CAST: variants seen among roughly 807,000 people sequenced by gnomAD.
The protein encoded by CAST is MIR583 host.
A neutral mutation model predicts 119.6 loss-of-function variants in CAST; 76 were observed. The ratio of observed to expected loss-of-function variants is 0.64; its 90% confidence interval spans 0.53 to 0.77. CAST has a LOEUF of 0.77. CAST is among the 30% of genes least tolerant of loss of function. CAST has a pLI of 0.00. For missense variants in CAST, 953 were observed against 946.5 expected (o/e 1.01, Z -0.09); for synonymous variants, 319 against 331.6 (o/e 0.96, Z 0.41).
At chr5:96,078,232 T>C in the CAST span, among the ~76,000 whole-genome samples, 265 of 152,156 alleles carry the variant, frequency 1.7e-3, no homozygotes, top group African/African-American at 6.0e-3. Context: ...CACCATGACA[T>C]TGGGGTTTCA....
the CAST span, among the ~76,000 whole-genome samples, chr5:96,354,182 A>G: frequency 6.6e-6 from 1 of 152,210 alleles, no homozygotes; most frequent in Non-Finnish European, 1.5e-5. Flanking sequence ...ACCAAGTGAG[A>G]GCCCCTGCTC....
At chr5:96,202,542 T>G in the CAST span, among the ~76,000 whole-genome samples, 1 of 152,078 alleles carries the variant, frequency 6.6e-6, no homozygotes, top group Non-Finnish European at 1.5e-5. Context: ...TGCTTTGTTA[T>G]AAGACAAAAA....
At chr5:96,416,091 G>T in the CAST span, 1 of 1,612,696 alleles carries the variant, frequency 6.2e-7, no homozygotes, top group Non-Finnish European at 8.5e-7. Flanking sequence ...TTGCTTGCAT[G>T]GCAATTTCTC....
At chr5:96,328,382 C>CCTCTCTCTCTCT in the CAST span, among the ~76,000 whole-genome samples, 2 of 18,898 alleles carry the variant, frequency 1.1e-4, no homozygotes, top group Non-Finnish European at 2.2e-4. Flanking sequence ...CTTCTCTCTC[C>CCTCTCTCTCTCT]CTCTCTCTCT....
At chr5:96,360,232 C>T in the CAST span, among the ~76,000 whole-genome samples, 1 of 151,894 alleles carries the variant, frequency 6.6e-6, no homozygotes, top group Non-Finnish European at 1.5e-5. Context: ...TTAGAAATTC[C>T]TCTAACATTT....
the CAST span, among the ~76,000 whole-genome samples, chr5:96,462,699 G>C: frequency 6.6e-6 from 1 of 152,048 alleles, no homozygotes; most frequent in African/African-American, 2.4e-5. Context: ...ATATGGTTTG[G>C]CTCTGTGTCC....
chr5:96,029,070 A>G, the CAST span, among the ~76,000 whole-genome samples: 7 of 152,296 alleles, frequency 4.6e-5, no homozygotes, highest in Non-Finnish European at 7.4e-5. Context: ...CATTACCTAC[A>G]ATATCTTCAG....
intron 1 of CAST, among the ~76,000 whole-genome samples, chr5:96,673,900 C>G (rs1243150802): frequency 6.6e-6 from 1 of 152,152 alleles, no homozygotes; most frequent in Non-Finnish European, 1.5e-5. Flanking sequence ...GAGGGTTTCA[C>G]CAAGCTATTG....
At chr5:96,207,969 T>G in the CAST span, among the ~76,000 whole-genome samples, 1 of 152,002 alleles carries the variant, frequency 6.6e-6, no homozygotes, top group South Asian at 2.1e-4. Flanking sequence ...GATTCAATTT[T>G]GGAACTCATT....
the CAST span, among the ~76,000 whole-genome samples, chr5:96,474,310 A>G: frequency 6.6e-6 from 1 of 151,856 alleles, no homozygotes; most frequent in Non-Finnish European, 1.5e-5. Context: ...ACAGAACACC[A>G]CTGCTACCAA....
chr5:96,365,396 G>A, the CAST span, among the ~76,000 whole-genome samples: 3 of 152,136 alleles, frequency 2.0e-5, no homozygotes, highest in Non-Finnish European at 2.9e-5. Context: ...TTTCTGTCTC[G>A]TTGATCTGTC....
intron 1 of CAST, among the ~76,000 whole-genome samples, chr5:96,647,618 G>A (rs955233176): frequency 1.3e-4 from 19 of 151,944 alleles, no homozygotes; most frequent in African/African-American, 4.6e-4. Context: ...CATTAAGGTG[G>A]GACGTAATCC....
chr5:96,431,559 C>A, the CAST span, among the ~76,000 whole-genome samples: 1 of 152,204 alleles, frequency 6.6e-6, no homozygotes, highest in Non-Finnish European at 1.5e-5. Context: ...CAGCCCCTAA[C>A]ACGGAGCCTG....
At chr5:96,618,116 A>C (rs1747506152) in intron 1 of CAST, among the ~76,000 whole-genome samples, 1 of 152,204 alleles carries the variant, frequency 6.6e-6, no homozygotes, top group Non-Finnish European at 1.5e-5. Context: ...CCATCCACGC[A>C]GTCCTACAGG....
chr5:96,167,923 T>C, the CAST span, among the ~76,000 whole-genome samples: 18 of 151,970 alleles, frequency 1.2e-4, no homozygotes, highest in African/African-American at 2.9e-4. Context: ...TGAGGAGTAG[T>C]AGAATAGCAG....
chr5:96,394,187 A>C, the CAST span, among the ~76,000 whole-genome samples: 2 of 152,178 alleles, frequency 1.3e-5, no homozygotes, highest in Non-Finnish European at 2.9e-5. Flanking sequence ...CTGAAAACCT[A>C]CCTATTACAC....
the CAST span, among the ~76,000 whole-genome samples, chr5:95,987,577 A>G: frequency 6.6e-6 from 1 of 152,204 alleles, no homozygotes; most frequent in Non-Finnish European, 1.5e-5. Flanking sequence ...GTGTAAAAGC[A>G]TCAGGCCTTG....
the CAST span, among the ~76,000 whole-genome samples, chr5:95,998,657 T>C: frequency 1.3e-5 from 2 of 152,194 alleles, no homozygotes; most frequent in Non-Finnish European, 2.9e-5. Context: ...TAATCCTGTA[T>C]TGATAAATAC....
At chr5:96,373,814 C>T in the CAST span, among the ~76,000 whole-genome samples, 1 of 151,924 alleles carries the variant, frequency 6.6e-6, no homozygotes, top group Non-Finnish European at 1.5e-5. Context: ...GGCACAATCA[C>T]AGCTCACTGC....
Sources: gnomAD v4.1 joint callset for allele counts (sites outside exome capture counted in the v4.1 genomes callset) on GRCh38, gnomAD v4.1.1 for gene constraint, MANE v1.5 for transcripts, NCBI Gene and HGNC (gene_info 2026-07-23, HGNC 2026-07-21) for gene names.